Variants in COL10A1 observed in about 807,000 individuals in gnomAD.
COL10A1 encodes the protein collagen alpha-1(X) chain.
COL10A1 carries 10 observed loss-of-function variants against 18.2 expected under a neutral mutation model. The observed-to-expected ratio is 0.55, with a 90% CI of 0.34 to 0.93. The LOEUF is 0.93. Ranked by LOEUF, COL10A1 falls within the 40% of genes least tolerant of loss-of-function variation. COL10A1 has a pLI of 0.02. For missense variants in COL10A1, 897 were observed against 853.5 expected (o/e 1.05, Z -0.64); for synonymous variants, 330 against 316.6 (o/e 1.04, Z -0.45).
At chr6:116,197,497 C>T in the COL10A1 span, among the ~76,000 whole-genome samples, 1 of 152,056 alleles carries the variant, frequency 6.6e-6, no homozygotes, top group African/African-American at 2.4e-5. Context: ...ACCTCTGCCA[C>T]CCAAGTTTTA....
the COL10A1 span, among the ~76,000 whole-genome samples, chr6:116,215,454 T>C: frequency 6.6e-6 from 1 of 152,156 alleles, no homozygotes; most frequent in East Asian, 1.9e-4. Context: ...AGATTTCATC[T>C]CTCCCTATGA....
chr6:116,204,464 G>A, the COL10A1 span, among the ~76,000 whole-genome samples: 3 of 151,952 alleles, frequency 2.0e-5, no homozygotes, highest in Non-Finnish European at 2.9e-5. Context: ...AGATCTGACA[G>A]TATGACCTGA....
chr6:116,195,687 G>C, the COL10A1 span, among the ~76,000 whole-genome samples: 2,847 of 152,108 alleles, frequency 0.019, 41 homozygotes, highest in Middle Eastern at 0.027. Context: ...CACATCTTTA[G>C]AATATGGTAG....
At position 116,121,138 on chromosome 6, in the gene COL10A1, C is replaced by T. The variant is rs138358438; in HGVS notation, c.978G>A (p.Gly326=). 2.5e-6 allele frequency: 4 copies of T among 1,613,280 alleles called. No individual in the cohort carries two copies. The African/African-American group carries it at 5.3e-5, about 22-fold the overall frequency. The change falls in exon 3 of 3, where the codon GGG becomes GGA. Residue 326 remains glycine, a synonymous_variant. Coordinates refer to ENST00000651968, the MANE Select transcript of COL10A1 (RefSeq NM_000493.4). ...CTGGCTTCCCAGGAAGACCTGCTGG[C>T]CCTTGTTCCCCTTTGGCACCTGGAC... is the stretch of plus-strand genomic sequence containing the variant. ...PGGPGAKGEQ[G]PAGLPGKPGL... is the part of the protein sequence containing the mutation.
At chr6:116,165,193 T>C in the COL10A1 span, among the ~76,000 whole-genome samples, 1 of 152,186 alleles carries the variant, frequency 6.6e-6, no homozygotes, top group Non-Finnish European at 1.5e-5. Context: ...CAGTTTCTGC[T>C]AAGAAATCTG....
the COL10A1 span, among the ~76,000 whole-genome samples, chr6:116,213,234 T>C: frequency 6.6e-6 from 1 of 152,108 alleles, no homozygotes; most frequent in Non-Finnish European, 1.5e-5. Flanking sequence ...AGTAGTCTTC[T>C]GAAGGCATGA....
rs1233449694 is a variant in COL10A1 at position 116,119,150 on chromosome 6, AATAAT to A, written c.*918_*922del. The A allele has an allele frequency of 1.4e-4, 22 of 152,768 alleles. No individual in the cohort carries two copies. The highest frequency in any genetic ancestry group is 1.2e-3 in the Admixed American group (19 of 15,310). 9.5% of individuals were successfully genotyped at this position (152,768 alleles called of 1,614,324 possible). A position where few individuals can be genotyped will look rare whatever the true frequency, so the allele number is the denominator to read the frequency against. ...AAAAATACAGTACAGTGCATAAATA[AATAAT>A]ATATCTCCACTTCTAGTCGAATTTT... On this transcript the variant is annotated 3_prime_UTR_variant, in exon 3 of 3. Coordinates refer to ENST00000651968, the MANE Select transcript of COL10A1 (RefSeq NM_000493.4).
intron 1 of COL10A1, chr6:116,145,411 C>A: frequency 2.9e-6 from 1 of 341,672 alleles, no homozygotes; most frequent in South Asian, 2.4e-5. Flanking sequence ...AAATGCAAAA[C>A]TTTTTCTGTT....
the COL10A1 span, among the ~76,000 whole-genome samples, chr6:116,164,677 G>T: frequency 6.6e-6 from 1 of 152,236 alleles, no homozygotes; most frequent in East Asian, 1.9e-4. Flanking sequence ...TGTGAACTTT[G>T]TACTTACGTG....
intron 1 of COL10A1, among the ~76,000 whole-genome samples, chr6:116,131,655 T>C (rs558800772): frequency 1.3e-5 from 2 of 152,190 alleles, no homozygotes; most frequent in Non-Finnish European, 2.9e-5. Context: ...TTATTTCCTG[T>C]CTTTTGCCAA....
At chr6:116,127,729 G>A (rs1156822451), upstream of COL10A1, among the ~76,000 whole-genome samples, 3 of 152,076 alleles carry the variant, frequency 2.0e-5, no homozygotes, top group African/African-American at 7.2e-5. Flanking sequence ...TATTTTGTGT[G>A]TATATATGGT....
At chr6:116,153,098 T>C (rs912859509) in intron 1 of COL10A1, among the ~76,000 whole-genome samples, 5 of 151,928 alleles carry the variant, frequency 3.3e-5, no homozygotes, top group African/African-American at 1.2e-4. Context: ...ATCCCTGATA[T>C]ATTAATATAA....
At chr6:116,123,016 T>A (rs1405524504) in intron 2 of COL10A1, among the ~76,000 whole-genome samples, 2 of 152,200 alleles carry the variant, frequency 1.3e-5, no homozygotes, top group Non-Finnish European at 1.5e-5. Context: ...TAAGTGGATA[T>A]TGATATATTG....
chr6:116,127,558 C>G (rs1216596316), upstream of COL10A1, among the ~76,000 whole-genome samples: 11 of 152,240 alleles, frequency 7.2e-5, no homozygotes, highest in African/African-American at 2.6e-4. Context: ...TCTGCTACAT[C>G]TGTAGGAGAC....
intron 1 of COL10A1, among the ~76,000 whole-genome samples, chr6:116,156,731 C>T (rs1417973518): frequency 6.6e-6 from 1 of 152,140 alleles, no homozygotes; most frequent in Admixed American, 6.5e-5. Flanking sequence ...TAAATTTCAG[C>T]ATATCTTGAA....
At chr6:116,171,125 G>A in the COL10A1 span, among the ~76,000 whole-genome samples, 4 of 151,902 alleles carry the variant, frequency 2.6e-5, no homozygotes, top group African/African-American at 9.7e-5. Flanking sequence ...TTGATCCATA[G>A]TAGGTGTTCC....
Position 116,120,242 on chromosome 6 carries a change from T to C in COL10A1, c.1874A>G (p.Tyr625Cys), listed in dbSNP as rs1490639989. ...YKNGTPVMYT[Y>C]DEYTKGYLDQ... ...CAGGTAGCCTTTGGTGTATTCATCA[T>C]AGGTGTACATTACAGGGGTGCCATT... Residue 625 changes from tyrosine to cysteine, a missense_variant, in exon 3 of 3, where the codon TAT (tyrosine) becomes TGT (cysteine). Tyr to Cys is a radical substitution (Grantham distance 194). Transcript: ENST00000651968. 4 of 1,614,232 alleles carry C rather than the reference T, an allele frequency of 2.5e-6. No homozygotes were observed. Among genetic ancestry groups the C allele is most frequent in the Non-Finnish European group, 3.4e-6 (4 of 1,180,030 alleles).
chr6:116,170,434 A>G, the COL10A1 span, among the ~76,000 whole-genome samples: 2 of 152,162 alleles, frequency 1.3e-5, no homozygotes, highest in African/African-American at 2.4e-5. Flanking sequence ...ATTTTTTCCA[A>G]CAGGGAAAGT....
rs375166088 is a variant in COL10A1, at chr6:116,153,132, TATAC to T, written c.-16+5478_-16+5481del. Among the ~76,000 whole-genome samples, 398 of 152,076 alleles carry T rather than the reference TATAC, an allele frequency of 2.6e-3. 10 individuals are homozygous for T. In the South Asian group the frequency reaches 0.043, roughly 16 times the overall value. ...AAAAATATATACACAAATATATGTA[TATAC>T]ATACATATTCACACATACTACAAAT... On this transcript the variant is annotated intron_variant, in intron 1 of 1. Transcript: ENST00000418500.
Sources: gnomAD v4.1 joint callset for allele counts (sites outside exome capture counted in the v4.1 genomes callset) on GRCh38, gnomAD v4.1.1 for gene constraint, MANE v1.5 for transcripts, NCBI Gene and HGNC (gene_info 2026-07-23, HGNC 2026-07-21) for gene names.